The following GARIN5B variants were observed in gnomAD, a reference collection of about 807,000 sequenced individuals.
GARIN5B encodes golgi associated RAB2 interactor family member 5B.
At chr19:55,362,942 G>C in the GARIN5B span, 1 of 1,504,926 alleles carries the variant, frequency 6.6e-7, no homozygotes, top group Non-Finnish European at 8.9e-7. Flanking sequence ...CTCGAACATG[G>C]GCAGCGGACG....
At chr19:55,360,526 G>A in the GARIN5B span, among the ~76,000 whole-genome samples, 2 of 42,634 alleles carry the variant, frequency 4.7e-5, no homozygotes. Context: ...AGTCCAGGCC[G>A]CAGTTCCTCC....
the GARIN5B span, chr19:55,359,505 C>G: frequency 3.9e-6 from 6 of 1,549,360 alleles, no homozygotes; most frequent in Non-Finnish European, 5.2e-6. Context: ...GGAGCAGGTA[C>G]AGCTGGGGCC....
the GARIN5B span, chr19:55,360,019 G>C: frequency 6.7e-7 from 1 of 1,501,322 alleles, no homozygotes; most frequent in Non-Finnish European, 8.9e-7. Flanking sequence ...TGGTCAGGAT[G>C]CATGGAGACC....
chr19:55,358,315 C>T, the GARIN5B span: 3 of 1,542,374 alleles, frequency 1.9e-6, no homozygotes, highest in South Asian at 2.4e-5. Flanking sequence ...GCGACACCCT[C>T]TTGGGCTGCT....
chr19:55,358,651 G>A, the GARIN5B span: 1 of 1,551,208 alleles, frequency 6.4e-7, no homozygotes, highest in African/African-American at 1.4e-5. Context: ...CGGGGCGGGA[G>A]GGCACTGAAG....
the GARIN5B span, chr19:55,355,338 G>C: frequency 6.4e-7 from 1 of 1,550,486 alleles, no homozygotes; most frequent in East Asian, 2.4e-5. Context: ...TGCTGGGAGT[G>C]CTGCAGGCTG....
At chr19:55,357,101 T>C in the GARIN5B span, among the ~76,000 whole-genome samples, 2 of 151,970 alleles carry the variant, frequency 1.3e-5, no homozygotes, top group African/African-American at 4.8e-5. Context: ...AACCCATGAG[T>C]AGTCACTCCC....
the GARIN5B span, chr19:55,363,204 C>T: frequency 1.1e-6 from 1 of 924,838 alleles, no homozygotes; most frequent in Non-Finnish European, 1.5e-6. This position sits in a 1 kb window ranked among gnomAD's most constrained non-coding sequence, Gnocchi z 4.0. Context: ...GGAGATGCCC[C>T]AGGCTGGGAG....
chr19:55,355,629 C>G, the GARIN5B span, among the ~76,000 whole-genome samples: 163 of 152,300 alleles, frequency 1.1e-3, no homozygotes, highest in African/African-American at 3.6e-3. Context: ...AGCTTCTCTC[C>G]CTCCTGCCTG....
the GARIN5B span, among the ~76,000 whole-genome samples, chr19:55,360,490 C>CAG: frequency 6.8e-6 from 1 of 147,338 alleles, no homozygotes. Context: ...GTCCAGGCCC[C>CAG]CCACCCCTCC....
chr19:55,362,652 G>A, the GARIN5B span: 4 of 1,547,236 alleles, frequency 2.6e-6, no homozygotes, highest in Non-Finnish European at 2.6e-6. Flanking sequence ...GCAACACCAG[G>A]CCTGGCAGGG....
the GARIN5B span, among the ~76,000 whole-genome samples, chr19:55,356,143 G>T: frequency 6.6e-6 from 1 of 151,702 alleles, no homozygotes; most frequent in East Asian, 1.9e-4. Flanking sequence ...TTGGGAAGCC[G>T]GATGGATCAC....
the GARIN5B span, chr19:55,362,636 T>C: frequency 6.5e-7 from 1 of 1,547,806 alleles, no homozygotes; most frequent in Non-Finnish European, 8.7e-7. Context: ...ATCAGCAAGA[T>C]GTCAGGCAAC....
At chr19:55,357,271 C>T in the GARIN5B span, among the ~76,000 whole-genome samples, 3 of 152,214 alleles carry the variant, frequency 2.0e-5, no homozygotes, top group Non-Finnish European at 4.4e-5. Flanking sequence ...CAGCCAGAGG[C>T]AGCCTCTTCA....
the GARIN5B span, among the ~76,000 whole-genome samples, chr19:55,356,949 C>T: frequency 6.6e-6 from 1 of 152,060 alleles, no homozygotes; most frequent in East Asian, 1.9e-4. Flanking sequence ...TACTCGGCTC[C>T]TCAAGAGGCT....
At chr19:55,357,300 T>C in the GARIN5B span, among the ~76,000 whole-genome samples, 2 of 152,172 alleles carry the variant, frequency 1.3e-5, no homozygotes. Flanking sequence ...TCCGTCTCCA[T>C]CATTCTTCTG....
At chr19:55,357,242 C>T in the GARIN5B span, among the ~76,000 whole-genome samples, 2,030 of 152,218 alleles carry the variant, frequency 0.013, 48 homozygotes, top group African/African-American at 0.046. Flanking sequence ...ACTCTTGCCC[C>T]CCTACATCCT....
At chr19:55,358,435 T>C in the GARIN5B span, 22 of 1,513,720 alleles carry the variant, frequency 1.5e-5, no homozygotes, top group Admixed American at 1.1e-4. Context: ...CCTGGGAGAT[T>C]CCTTCCCTCT....
chr19:55,356,982 A>G, the GARIN5B span, among the ~76,000 whole-genome samples: 1 of 152,094 alleles, frequency 6.6e-6, no homozygotes, highest in Admixed American at 6.5e-5. Flanking sequence ...GCTTGAACCC[A>G]GGAGGCAGAG....
Sources: gnomAD v4.1 joint callset for allele counts (sites outside exome capture counted in the v4.1 genomes callset) on GRCh38, gnomAD v4.1.1 for gene constraint, Gnocchi (gnomAD v3.1) non-coding constraint, MANE v1.5 for transcripts, NCBI Gene and HGNC (gene_info 2026-07-23, HGNC 2026-07-21) for gene names.